Variants in C8A observed in about 807,000 individuals in gnomAD.
C8A encodes the protein complement component C8 alpha chain.
C8A carries 67 observed loss-of-function variants against 65.3 expected under a neutral mutation model. That is an observed-to-expected ratio of 1.03 (90% CI 0.84 to 1.26). The LOEUF is 1.26. C8A is among the 50% of genes most tolerant of loss of function. The pLI is 0.00. For missense variants in C8A, 781 were observed against 723.9 expected (o/e 1.08, Z -0.90); for synonymous variants, 290 against 259.4 (o/e 1.12, Z -1.13).
At chr1:56,863,503 C>T (rs1037494370) in intron 1 of C8A, among the ~76,000 whole-genome samples, 3 of 152,184 alleles carry the variant, frequency 2.0e-5, no homozygotes, top group African/African-American at 4.8e-5. Flanking sequence ...TCTGGTTTGA[C>T]ACATAATGCA....
chr1:56,854,804 T>A lies in C8A; in HGVS notation c.-98T>A. On this transcript the variant is annotated 5_prime_UTR_variant, in exon 1 of 11. Transcript: ENST00000361249. The stretch of plus-strand genomic sequence containing the variant: ...GGGTGAGTTTCCAACATCAGATAGA[T>A]CTTACAGGTCCCAGCCTGTAGACAT... The A allele has an allele frequency of 1.0e-6, 1 of 960,516 alleles. No homozygotes were observed. Among genetic ancestry groups the A allele is most frequent in the Non-Finnish European group, 1.6e-6 (1 of 607,172 alleles). The allele number at this position is 960,516 out of a possible 1,614,324, so 59.5% of individuals were successfully genotyped here. A position where few individuals can be genotyped will look rare whatever the true frequency, so the allele number is the denominator to read the frequency against.
chr1:56,889,830 G>A (rs1644330502), intron 7 of C8A, among the ~76,000 whole-genome samples: 1 of 152,036 alleles, frequency 6.6e-6, no homozygotes, highest in African/African-American at 2.4e-5. Flanking sequence ...CTCCCCCAAA[G>A]ACAGCATGAA....
At chr1:56,870,066 A>G (rs1413599230) in intron 2 of C8A, among the ~76,000 whole-genome samples, 2 of 152,122 alleles carry the variant, frequency 1.3e-5, no homozygotes, top group South Asian at 2.1e-4. Flanking sequence ...GTTCCTGTTT[A>G]AATGTGTCTG....
chr1:56,863,833 C>T (rs1037166544), intron 1 of C8A, among the ~76,000 whole-genome samples: 1 of 145,810 alleles, frequency 6.9e-6, no homozygotes, highest in East Asian at 2.3e-4. Flanking sequence ...CCCTTCCCTC[C>T]CTCTCTCACT....
chr1:56,872,232 A>T (rs1346377244), intron 2 of C8A, among the ~76,000 whole-genome samples: 2 of 152,196 alleles, frequency 1.3e-5, no homozygotes, highest in Admixed American at 6.5e-5. Context: ...AGCACAACAT[A>T]TTCATAATAA....
At chr1:56,890,079 G>A (rs938431663) in intron 7 of C8A, among the ~76,000 whole-genome samples, 6 of 151,890 alleles carry the variant, frequency 4.0e-5, no homozygotes, top group African/African-American at 7.3e-5. Context: ...AATGTATTTC[G>A]CATTCTGACT....
intron 4 of C8A, among the ~76,000 whole-genome samples, chr1:56,877,245 C>G (rs574761196): frequency 6.6e-6 from 1 of 152,100 alleles, no homozygotes; most frequent in African/African-American, 2.4e-5. Context: ...GTGTAGGGCA[C>G]CTAGTCTATG....
chr1:56,897,319 C>A (rs1317255122), intron 7 of C8A, among the ~76,000 whole-genome samples: 2 of 152,152 alleles, frequency 1.3e-5, no homozygotes, highest in Non-Finnish European at 2.9e-5. Context: ...GAGCCAGGAA[C>A]AAGCAGAGTG....
At chr1:56,883,752 A>G (rs780995534) in intron 6 of C8A, 71 bp downstream of exon 6, 2 of 1,296,780 alleles carry the variant, frequency 1.5e-6, no homozygotes, top group Non-Finnish European at 2.2e-6. Flanking sequence ...CCTTAATTGC[A>G]TTAAAAAGTA....
At chr1:56,908,626 G>T (rs992553314) in intron 9 of C8A, among the ~76,000 whole-genome samples, 4 of 152,174 alleles carry the variant, frequency 2.6e-5, no homozygotes, top group South Asian at 2.1e-4. Context: ...ATAAGCTGTG[G>T]GTTGGACTTG....
chr1:56,855,218 C>G (rs1417610743), intron 1 of C8A, among the ~76,000 whole-genome samples: 4 of 152,154 alleles, frequency 2.6e-5, no homozygotes, highest in Non-Finnish European at 5.9e-5. Flanking sequence ...GGTAAATCAT[C>G]TCATCGGTTT....
chr1:56,861,430 A>G (rs759527131), intron 1 of C8A, among the ~76,000 whole-genome samples: 46 of 152,156 alleles, frequency 3.0e-4, no homozygotes, highest in Non-Finnish European at 3.1e-4. Context: ...CCATGGGCCC[A>G]GTGAGAATGA....
chr1:56,901,325 T>C (rs1644424809), intron 7 of C8A, among the ~76,000 whole-genome samples: 2 of 152,188 alleles, frequency 1.3e-5, no homozygotes, highest in African/African-American at 4.8e-5. Context: ...CCTGCTGTTT[T>C]CCACCTAATG....
intron 2 of C8A, among the ~76,000 whole-genome samples, chr1:56,871,272 C>A (rs1644145020): frequency 1.3e-5 from 2 of 152,194 alleles, no homozygotes; most frequent in South Asian, 4.1e-4. Context: ...AAGAACATGA[C>A]AGAGCCTTGA....
At chr1:56,911,797 A>G (rs1210326876) in intron 9 of C8A, among the ~76,000 whole-genome samples, 1 of 151,918 alleles carries the variant, frequency 6.6e-6, no homozygotes, top group Non-Finnish European at 1.5e-5. Context: ...CATTAGGGAA[A>G]TTGCTCAGCA....
chr1:56,863,193 A>C (rs1272688745), intron 1 of C8A, among the ~76,000 whole-genome samples: 2 of 152,200 alleles, frequency 1.3e-5, no homozygotes, highest in African/African-American at 2.4e-5. Context: ...TTCATTTATG[A>C]TCTTTCTTAT....
chr1:56,885,439 A>AATAAATATATATTTAC lies in C8A; in HGVS notation c.856-488_856-487insATAAATATATATTTAC, dbSNP rs1319825623. Reference sequence around the variant, plus strand: ...AAATATATATTTAAATATATATTTAAGTAAATATATATATATTTCCGTAAA... The same window carrying AATAAATATATATTTAC: ...AAATATATATTTAAATATATATTTAAATAAATATATATTTACGTAAATATATATATATTTCCGTAAA... On this transcript the variant is annotated intron_variant, in intron 6 of 10. Transcript: ENST00000361249. Among the ~76,000 whole-genome samples, 2 of 119,470 alleles carry AATAAATATATATTTAC rather than the reference A, an allele frequency of 1.7e-5. 1 individual carries two copies. Among genetic ancestry groups the AATAAATATATATTTAC allele is most frequent in the Non-Finnish European group, 3.3e-5 (2 of 61,414 alleles). The allele number at this position is 119,470 out of a possible 152,430, so 78.4% of individuals were successfully genotyped here.
intron 7 of C8A, among the ~76,000 whole-genome samples, chr1:56,902,879 A>G (rs1466650330): frequency 6.6e-6 from 1 of 152,182 alleles, no homozygotes; most frequent in East Asian, 1.9e-4. Context: ...TTCTTATTTC[A>G]TTTTTTAAAG....
chr1:56,887,492 T>TA (rs1488908254), intron 7 of C8A, among the ~76,000 whole-genome samples: 1 of 152,230 alleles, frequency 6.6e-6, no homozygotes, highest in Admixed American at 6.5e-5. Flanking sequence ...GTTGGCCACA[T>TA]AAATGTCTTC....
Sources: gnomAD v4.1 joint callset for allele counts (sites outside exome capture counted in the v4.1 genomes callset) on GRCh38, gnomAD v4.1.1 for gene constraint, MANE v1.5 for transcripts, NCBI Gene and HGNC (gene_info 2026-07-23, HGNC 2026-07-21) for gene names.